NMUR1: variants seen among roughly 807,000 people sequenced by gnomAD.
NMUR1 encodes the protein neuromedin U receptor 1, also known as neuromedin-U receptor 1.
In NMUR1, 16 loss-of-function variants were observed where a neutral mutation model predicts 18.8. That is an observed-to-expected ratio of 0.85 (90% CI 0.58 to 1.29). The LOEUF (loss-of-function observed/expected upper bound fraction) is 1.29. Among genes scored for constraint, NMUR1 ranks in the 50% most tolerant of loss-of-function variants. NMUR1 has a pLI of 0.00. For missense variants in NMUR1, 529 were observed against 580.3 expected, an observed-to-expected ratio of 0.91 and a Z score of 0.91; for synonymous variants, 258 against 258.2, an observed-to-expected ratio of 1.00 and a Z score of 0.01.
At position 231,528,185 on chromosome 2, in the gene NMUR1, G is replaced by C. The variant is rs770251123; in HGVS notation, c.836C>G (p.Ser279Cys). ...CTGCTGGAGCCTGCAGGTGTATCTGGACCTGGCTGCTGCAGAGCCCCTGCC... is the reference window on the plus strand; with the variant it reads ...CTGCTGGAGCCTGCAGGTGTATCTGCACCTGGCTGCTGCAGAGCCCCTGCC... ...AKGRGSAAAR[S>C]RYTCRLQQHD... Residue 279 changes from serine (S) to cysteine (C), a missense_variant, in exon 2 of 3, where the codon TCC becomes TGC. Ser to Cys is a moderately radical substitution (Grantham distance 112, BLOSUM62 -1). Transcript: ENST00000305141. The C allele has an allele frequency of 6.2e-7, 1 of 1,602,250 alleles. No homozygotes were observed. Among genetic ancestry groups the C allele is most frequent in the African/African-American group, 1.3e-5 (1 of 74,744 alleles).
At chr2:231,529,651 C>G (rs1212547595) in intron 1 of NMUR1, among the ~76,000 whole-genome samples, 1 of 152,182 alleles carries the variant, frequency 6.6e-6, no homozygotes, top group Non-Finnish European at 1.5e-5. Context: ...GGGCACAATG[C>G]CTGGTATTGC....
Position 231,528,907 on chromosome 2 carries a change from C to G in NMUR1, c.114G>C (p.Glu38Asp). The G allele has an allele frequency of 6.2e-7, 1 of 1,614,176 alleles. No homozygotes were observed. Among genetic ancestry groups the G allele is most frequent in the South Asian group, 1.1e-5 (1 of 91,076 alleles). The change falls in exon 2 of 3, where the codon GAG becomes GAC. Residue 38 changes from glutamate (E) to aspartate (D), a missense_variant. By Grantham distance (45) the Glu-to-Asp change is conservative. Coordinates refer to ENST00000305141, the MANE Select transcript of NMUR1 (RefSeq NM_006056.5). The part of the protein sequence containing the change: ...GSAARGHFDP[E>D]DLNLTDEALR... ...GTGCCTCGTCAGTCAGGTTCAAGTC[C>G]TCAGGGTCAAAGTGCCCCCTGGCCG...
chr2:231,528,763 C>A lies in NMUR1; in HGVS notation c.258G>T (p.Leu86=). 2 of 1,614,208 alleles carry A rather than the reference C, an allele frequency of 1.2e-6. No homozygotes were observed. Among genetic ancestry groups the A allele is most frequent in the Non-Finnish European group, 1.7e-6 (2 of 1,180,026 alleles). ...TAGGCGTGCGCATGGCCTTGTGGCG[C>A]AGGATGACCAGACAGGTCAGCCCAT... ...VGNGLTCLVI[L]RHKAMRTPTN... The change falls in exon 2 of 3, where the codon CTG becomes CTT. Residue 86 remains leucine, a synonymous_variant. Coordinates refer to ENST00000305141, the MANE Select transcript of NMUR1 (RefSeq NM_006056.5).
intron 2 of NMUR1, 58 bp from the exon 3 acceptor site, chr2:231,525,483 C>G: frequency 6.5e-7 from 1 of 1,541,148 alleles, no homozygotes; most frequent in Non-Finnish European, 8.8e-7. Context: ...GCTGCCTTCC[C>G]GGGCTTCAGT....
chr2:231,521,783 C>T (rs115543467), downstream of NMUR1, among the ~76,000 whole-genome samples: 3,002 of 152,156 alleles, frequency 0.02, 108 homozygotes, highest in African/African-American at 0.068. Flanking sequence ...GAGAATGCAG[C>T]CCCAGCATGA....
chr2:231,521,975 T>TCTC (rs1559162762), downstream of NMUR1, among the ~76,000 whole-genome samples: 105 of 44,904 alleles, frequency 2.3e-3, no homozygotes, highest in East Asian at 0.065. Context: ...TTTTTTCTCT[T>TCTC]TTTTTTTTTT....
Position 231,530,364 on chromosome 2 carries a change from G to T in NMUR1, c.-3C>A, listed in dbSNP as rs1156476226. On this transcript the variant is annotated 5_prime_UTR_variant, in exon 1 of 3. Transcript: ENST00000305141. ...GCCGGCGCCTGCGCACCTACCATGCGGCCCGCGGCCCGCGAGACCCCGGCT... is the reference window on the plus strand; with the variant it reads ...GCCGGCGCCTGCGCACCTACCATGCTGCCCGCGGCCCGCGAGACCCCGGCT... 1 of 1,487,026 alleles carries T rather than the reference G, an allele frequency of 6.7e-7. No homozygotes were observed. The highest frequency in any genetic ancestry group is 1.5e-5 in the African/African-American group (1 of 68,446). 92.1% of individuals were successfully genotyped at this position (1,487,026 alleles called of 1,614,324 possible).
chr2:231,523,136 T>G (rs2047321080), downstream of NMUR1: 1 of 335,336 alleles, frequency 3.0e-6, no homozygotes, highest in Non-Finnish European at 5.5e-6. Flanking sequence ...GTATATAAAA[T>G]AAAACCACCA....
chr2:231,525,595 C>T (rs902572178), intron 2 of NMUR1, among the ~76,000 whole-genome samples, 170 bp from the exon 3 acceptor site: 10 of 152,244 alleles, frequency 6.6e-5, no homozygotes, highest in African/African-American at 2.2e-4. Context: ...CCATGCCTCT[C>T]TCAGAGAGGC....
At chr2:231,521,542 C>A (rs780500835), downstream of NMUR1, among the ~76,000 whole-genome samples, 1 of 152,106 alleles carries the variant, frequency 6.6e-6, no homozygotes, top group African/African-American at 2.4e-5. Flanking sequence ...GCTGCAGGAA[C>A]CATCAGTAGC....
chr2:231,524,886 G>T lies in NMUR1; in HGVS notation c.*157C>A. ...TCAGCAGTCAGGGATCCCTCCTCCT[G>T]CTGTTTCCCTCTGAGGGAAACTGAG... On this transcript the variant is annotated 3_prime_UTR_variant, in exon 3 of 3. Transcript: ENST00000305141. 1.1e-6 allele frequency: 1 copy of T among 937,354 alleles called. No homozygotes were observed. Among genetic ancestry groups the T allele is most frequent in the Non-Finnish European group, 1.5e-6 (1 of 651,528 alleles). 58.1% of individuals were successfully genotyped at this position (937,354 alleles called of 1,614,324 possible).
chr2:231,527,637 CAAAAAAAAAAA>C (rs10522812), intron 2 of NMUR1, among the ~76,000 whole-genome samples: 13 of 99,984 alleles, frequency 1.3e-4, no homozygotes, highest in Admixed American at 2.8e-4. Flanking sequence ...GACCCTGTCT[CAAAAAAAAAAA>C]AAAAAAAAAA....
chr2:231,525,210 A>C lies in NMUR1; in HGVS notation c.1114T>G (p.Cys372Gly), dbSNP rs753503193. 9.3e-5 allele frequency: 150 copies of C among 1,613,990 alleles called. 5 individuals are homozygous for C. The South Asian group carries it at 1.6e-3, about 17-fold the overall frequency. The change falls in exon 3 of 3, where the codon TGC becomes GGC. Residue 372 changes from cysteine (C) to glycine (G), a missense_variant. Coordinates refer to ENST00000305141, the MANE Select transcript of NMUR1 (RefSeq NM_006056.5). ...AGGCGATGGCAGCAGGCCCCGAGGC[A>C]CAGGGCCTCCTGGAAGGTCTCTCGG... The part of the protein sequence containing the change: ...RFRETFQEAL[C>G]LGACCHRLRP...
chr2:231,527,594 C>T (rs901347851), intron 2 of NMUR1, among the ~76,000 whole-genome samples: 3 of 146,184 alleles, frequency 2.1e-5, no homozygotes, highest in Non-Finnish European at 3.0e-5. Context: ...TGCAGTGAGC[C>T]GTGGTCACAC....
downstream of NMUR1, among the ~76,000 whole-genome samples, chr2:231,522,765 C>T (rs1027623899): frequency 6.6e-6 from 1 of 152,152 alleles, no homozygotes. Context: ...CTGGCCTCCA[C>T]GAGGTCCCCA....
Position 231,527,168 on chromosome 2 carries a change from C to T in NMUR1, c.898+955G>A, listed in dbSNP as rs111988165. Among the ~76,000 whole-genome samples the T allele has an allele frequency of 2.7e-3, 417 of 152,262 alleles. 4 individuals are homozygous for T. Among genetic ancestry groups the T allele is most frequent in the African/African-American group, 9.4e-3 (392 of 41,552 alleles). The stretch of plus-strand genomic sequence containing the variant: ...TAGTTCCACTGGGGGCTGTGCACCT[C>T]GGCATCCTGCCACTCTGGCTCAGGA... On this transcript the variant is annotated intron_variant, in intron 2 of 2. Coordinates refer to ENST00000305141, the MANE Select transcript of NMUR1 (RefSeq NM_006056.5).
At chr2:231,519,327 C>T (rs994156661), downstream of NMUR1, among the ~76,000 whole-genome samples, 15 of 152,196 alleles carry the variant, frequency 9.9e-5, no homozygotes, top group Admixed American at 8.5e-4. Flanking sequence ...CCCACTGTCC[C>T]GCACCTATGC....
chr2:231,530,393 A>C lies in NMUR1; in HGVS notation c.-32T>G. On this transcript the variant is annotated 5_prime_UTR_variant, in exon 1 of 3. Coordinates refer to ENST00000305141, the MANE Select transcript of NMUR1 (RefSeq NM_006056.5). Reference sequence around the variant, plus strand: ...CGCGGCCCGCGAGACCCCGGCTTCCACCCTCCGAGCGACGGACACAGACGC... The same window carrying C: ...CGCGGCCCGCGAGACCCCGGCTTCCCCCCTCCGAGCGACGGACACAGACGC... 6.8e-7 allele frequency: 1 copy of C among 1,480,122 alleles called. No homozygotes were observed. Among genetic ancestry groups the C allele is most frequent in the African/African-American group, 1.5e-5 (1 of 67,832 alleles). 91.7% of individuals were successfully genotyped at this position (1,480,122 alleles called of 1,614,324 possible).
chr2:231,521,307 G>A (rs1213686586), downstream of NMUR1, among the ~76,000 whole-genome samples: 1 of 152,202 alleles, frequency 6.6e-6, no homozygotes, highest in Non-Finnish European at 1.5e-5. Context: ...CCAGCAGGTT[G>A]ACTGCTGCAG....
Sources: allele counts gnomAD v4.1 joint callset (sites outside exome capture counted in the v4.1 genomes callset), GRCh38; gene constraint gnomAD v4.1.1; transcripts MANE v1.5; gene names NCBI Gene and HGNC (gene_info 2026-07-23, HGNC 2026-07-21).